The following TAB2 variants were observed in gnomAD, a reference collection of about 807,000 sequenced individuals.
TAB2 encodes the protein TGF-beta activated kinase 1 (MAP3K7) binding protein 2.
Under a neutral mutation model 65.0 loss-of-function variants are expected in TAB2, and 3 were observed. The observed-to-expected ratio is 0.05, with a 90% CI of 0.02 to 0.12. The LOEUF (loss-of-function observed/expected upper bound fraction) is 0.12, where lower values mean the gene tolerates loss of function less well. TAB2 is among the 10% of genes least tolerant of loss of function. TAB2 has a pLI of 1.00. For missense variants in TAB2, 623 were observed against 840.3 expected, an observed-to-expected ratio of 0.74 and a Z score of 3.20; for synonymous variants, 298 against 285.1, an observed-to-expected ratio of 1.05 and a Z score of -0.46.
intron 1 of TAB2, among the ~76,000 whole-genome samples, chr6:149,253,673 T>C (rs1777907570): frequency 6.9e-6 from 1 of 144,500 alleles, no homozygotes; most frequent in Admixed American, 7.1e-5. Context: ...CTTGTAATCC[T>C]AGCACTTTGG....
chr6:149,389,058 C>T (rs1041599932), intron 3 of TAB2, among the ~76,000 whole-genome samples: 11 of 150,434 alleles, frequency 7.3e-5, no homozygotes, highest in African/African-American at 2.7e-4. Flanking sequence ...CAGGTTCAAG[C>T]AATTCCCCTG....
intron 1 of TAB2, among the ~76,000 whole-genome samples, chr6:149,227,713 A>G (rs1016953629): frequency 6.6e-6 from 1 of 152,234 alleles, no homozygotes; most frequent in East Asian, 1.9e-4. Flanking sequence ...CCTGAAAATC[A>G]AGAAGAGCTG....
intron 1 of TAB2, among the ~76,000 whole-genome samples, chr6:149,267,371 G>A (rs1778282847): frequency 6.6e-6 from 1 of 152,178 alleles, no homozygotes; most frequent in Non-Finnish European, 1.5e-5. Context: ...GCACAAAAGT[G>A]TTTTGCAGGG....
At chr6:149,287,627 C>CACAGGGCCGCTCTCA (rs1305357273) in intron 1 of TAB2, among the ~76,000 whole-genome samples, 13 of 152,170 alleles carry the variant, frequency 8.5e-5, no homozygotes, top group African/African-American at 2.7e-4. Context: ...GCAGACAAAA[C>CACAGGGCCGCTCTCA]ACAGGGCCGC....
chr6:149,315,445 A>G (rs1779232522), upstream of TAB2, among the ~76,000 whole-genome samples: 2 of 152,230 alleles, frequency 1.3e-5, no homozygotes, highest in Non-Finnish European at 2.9e-5. Flanking sequence ...AATCACATAT[A>G]TCATGTTCTT....
At position 149,409,584 on chromosome 6, in the gene TAB2, G is replaced by A. The variant is rs938046230; in HGVS notation, c.1947G>A (p.Arg649=). 3 of 1,613,604 alleles carry A rather than the reference G, an allele frequency of 1.9e-6. No homozygotes were observed. The highest frequency in any genetic ancestry group is 1.6e-4 in the Middle Eastern group (1 of 6,062). Reference sequence around the variant, plus strand: ...TTTTTTTCTTTCTTACAGATCAAAGGTCCATCATCAAAACACCAAAGACTC... The same window carrying A: ...TTTTTTTCTTTCTTACAGATCAAAGATCCATCATCAAAACACCAAAGACTC... The part of the protein sequence containing the change: ...GPVPPKPKDQ[R]SIIKTPKTQD... The change falls in exon 7 of 7, where the codon AGG becomes AGA. Residue 649 remains arginine, a synonymous_variant. Transcript: ENST00000637181.
chr6:149,319,012 G>A (rs1444777802), intron 1 of TAB2, among the ~76,000 whole-genome samples: 1 of 152,172 alleles, frequency 6.6e-6, no homozygotes. Flanking sequence ...CTTATTCATT[G>A]GAAAGTTCTT....
chr6:149,330,736 A>G (rs992109066), intron 1 of TAB2, among the ~76,000 whole-genome samples: 1 of 152,158 alleles, frequency 6.6e-6, no homozygotes, highest in Admixed American at 6.6e-5. Flanking sequence ...GCATGTCTTT[A>G]TAGTCTCTTA....
chr6:149,317,695 G>C (rs1024455345), upstream of TAB2: 1 of 159,558 alleles, frequency 6.3e-6, no homozygotes, highest in Non-Finnish European at 1.4e-5. This position sits in a 1 kb window ranked among gnomAD's most constrained non-coding sequence, Gnocchi z 4.7. Flanking sequence ...ATTGGGGAGC[G>C]GCGACGCCGC....
intron 1 of TAB2, chr6:149,243,734 A>T (rs1018975257): frequency 1.3e-5 from 2 of 152,250 alleles, no homozygotes; most frequent in African/African-American, 4.8e-5. Context: ...AATAGTTTTC[A>T]ATGCAACCCA....
At chr6:149,300,832 C>T (rs1778957834) in intron 1 of TAB2, among the ~76,000 whole-genome samples, 1 of 152,170 alleles carries the variant, frequency 6.6e-6, no homozygotes, top group Non-Finnish European at 1.5e-5. Context: ...GCTTCAAGAC[C>T]TAAATCATGG....
chr6:149,343,471 C>CAA (rs5880835), intron 1 of TAB2, among the ~76,000 whole-genome samples: 10 of 68,518 alleles, frequency 1.5e-4, no homozygotes, highest in Admixed American at 5.1e-4. Context: ...GACTCCGTCT[C>CAA]AAAAAAAAAA....
chr6:149,222,365 C>G (rs1182811993), intron 1 of TAB2, among the ~76,000 whole-genome samples: 1 of 152,134 alleles, frequency 6.6e-6, no homozygotes, highest in Non-Finnish European at 1.5e-5. Flanking sequence ...TGCCTGTAAT[C>G]CCAACACTTT....
intron 1 of TAB2, among the ~76,000 whole-genome samples, chr6:149,223,114 T>C (rs1199070060): frequency 6.6e-6 from 1 of 152,236 alleles, no homozygotes; most frequent in Non-Finnish European, 1.5e-5. Flanking sequence ...TGAAATATAT[T>C]GAGTTTACAA....
At chr6:149,226,312 C>T (rs1777274671) in intron 1 of TAB2, among the ~76,000 whole-genome samples, 1 of 152,056 alleles carries the variant, frequency 6.6e-6, no homozygotes, top group Non-Finnish European at 1.5e-5. Flanking sequence ...AGGAGAAGTG[C>T]GAGGACCCGC....
At chr6:149,405,183 T>C (rs528213866) in intron 6 of TAB2, among the ~76,000 whole-genome samples, 1 of 152,266 alleles carries the variant, frequency 6.6e-6, no homozygotes, top group African/African-American at 2.4e-5. Context: ...TCACTAATCA[T>C]CAGGAAAATG....
At chr6:149,376,795 A>G (rs1781411732) in intron 2 of TAB2, among the ~76,000 whole-genome samples, 1 of 152,102 alleles carries the variant, frequency 6.6e-6, no homozygotes. Context: ...TGCTATGCAT[A>G]TAGTATGTGT....
At chr6:149,398,175 C>T in intron 5 of TAB2, 113 bp downstream of exon 5, 3 of 905,306 alleles carry the variant, frequency 3.3e-6, no homozygotes, top group Non-Finnish European at 5.3e-6. Flanking sequence ...GAACATGTGG[C>T]TTTGGAGCCA....
intron 1 of TAB2, among the ~76,000 whole-genome samples, chr6:149,324,905 T>G (rs1214760256): frequency 6.6e-6 from 1 of 150,824 alleles, no homozygotes; most frequent in African/African-American, 2.4e-5. Context: ...CAAGCCTTTC[T>G]CCCACCTCAG....
Sources: allele counts gnomAD v4.1 joint callset (sites outside exome capture counted in the v4.1 genomes callset), GRCh38; gene constraint gnomAD v4.1.1; non-coding constraint Gnocchi (gnomAD v3.1); transcripts MANE v1.5; gene names NCBI Gene and HGNC (gene_info 2026-07-23, HGNC 2026-07-21).